The following KIF13A variants were observed in gnomAD, a reference collection of about 807,000 sequenced individuals.
The protein encoded by KIF13A is kinesin family member 13A.
KIF13A carries 79 observed loss-of-function variants against 212.2 expected under a neutral mutation model. The ratio of observed to expected loss-of-function variants is 0.37; its 90% CI spans 0.31 to 0.45. The LOEUF (loss-of-function observed/expected upper bound fraction) is 0.45, where lower values mean the gene tolerates loss of function less well. Ranked by LOEUF, KIF13A falls within the 20% of genes least tolerant of loss-of-function variation. The pLI is 1.00. For synonymous variants in KIF13A, 789 were observed against 808.6 expected, an observed-to-expected ratio of 0.98 and a Z score of 0.41; for missense variants, 1,901 against 2,209.0, an observed-to-expected ratio of 0.86 and a Z score of 2.79.
In KIF13A at chr6:17,837,764, C is replaced by T. The variant is rs184657962; in HGVS notation, c.831-181G>A. On this transcript the variant is annotated intron_variant, in intron 9 of 38. Coordinates refer to ENST00000259711, the MANE Select transcript of KIF13A (RefSeq NM_022113.6). The surrounding 1 kb of genome is among the most constrained non-coding windows in gnomAD (Gnocchi z 5.4). ...GCCAGGGGTTTGAGACCACCCTGGC[C>T]AACATGGTGAAACTCTGTCTCTACT... 2.0e-3 allele frequency among the ~76,000 whole-genome samples: 305 copies of T among 152,056 alleles called. 1 individual carries two copies. Among genetic ancestry groups the T allele is most frequent in the Middle Eastern group, 0.014 (4 of 294 alleles).
rs1325949796 is a variant in KIF13A at position 17,898,891 on chromosome 6, A to G, written c.147-711T>C. ...CACTTGGTTGTTCAGGATGGAGTGCAGTGATGTGATCATGGCTCAGTGCAA... is the reference window on the plus strand; with the variant it reads ...CACTTGGTTGTTCAGGATGGAGTGCGGTGATGTGATCATGGCTCAGTGCAA... On this transcript the variant is annotated intron_variant, in intron 2 of 38. Transcript: ENST00000259711. The surrounding 1 kb of genome is among the most constrained non-coding windows in gnomAD (Gnocchi z 5.2). Among the ~76,000 whole-genome samples, 1 of 152,150 alleles carries G rather than the reference A, an allele frequency of 6.6e-6. No homozygotes were observed. Among genetic ancestry groups the G allele is most frequent in the East Asian group, 1.9e-4 (1 of 5,184 alleles).
At chr6:17,942,603 G>A (rs1370549549) in intron 2 of KIF13A, among the ~76,000 whole-genome samples, 1 of 152,098 alleles carries the variant, frequency 6.6e-6, no homozygotes, top group Admixed American at 6.5e-5. Context: ...GTGCCTATCA[G>A]CCTTGGCTAT....
intron 29 of KIF13A, 59 bp from the exon 30 acceptor site, chr6:17,781,360 C>G (rs996002191): frequency 7.4e-6 from 11 of 1,485,102 alleles, no homozygotes; most frequent in Non-Finnish European, 9.9e-6. Context: ...TAAGCAAACA[C>G]CAAAAATTTA....
chr6:17,824,961 C>T (rs541793598), intron 16 of KIF13A, among the ~76,000 whole-genome samples: 5 of 152,072 alleles, frequency 3.3e-5, no homozygotes, highest in Non-Finnish European at 5.9e-5. Flanking sequence ...TACCCCTAAA[C>T]AGCCTCAGTT....
Position 17,768,777 on chromosome 6 carries a change from G to A in KIF13A, c.4581+2337C>T, listed in dbSNP as rs570820474. 2.0e-5 allele frequency among the ~76,000 whole-genome samples: 3 copies of A among 152,274 alleles called. No individual in the cohort carries two copies. Among genetic ancestry groups the A allele is most frequent in the South Asian group, 2.1e-4 (1 of 4,826 alleles). ...ACATGCTGTCTATGCAAGACCTAACGGAAAGGTCGTGTGGATACTGGGAAA... is the reference window on the plus strand; with the variant it reads ...ACATGCTGTCTATGCAAGACCTAACAGAAAGGTCGTGTGGATACTGGGAAA... On this transcript the variant is annotated intron_variant, in intron 38 of 38. Coordinates refer to ENST00000259711, the MANE Select transcript of KIF13A (RefSeq NM_022113.6). This position sits in a 1 kb window ranked among gnomAD's most constrained non-coding sequence, Gnocchi z 5.4.
Position 17,764,525 on chromosome 6 carries a change from G to C in KIF13A, c.5003C>G (p.Pro1668Arg). Residue 1668 changes from proline to arginine, a missense_variant, in exon 39 of 39, where the codon CCA (proline) becomes CGA (arginine). Physicochemically the swap from Pro to Arg is moderately radical, Grantham distance 103 (BLOSUM62 -2). Transcript: ENST00000259711. This position sits in a 1 kb window ranked among gnomAD's most constrained non-coding sequence, Gnocchi z 5.1. Reference protein sequence around the residue: ...GLVKDKIIVVPLKENSALAKG... With the variant: ...GLVKDKIIVVRLKENSALAKG... ...GGCTAAGGCACTGTTTTCCTTGAGT[G>C]GCACCACAATTATCTTGTCCTTTAC... 1.2e-6 allele frequency: 2 copies of C among 1,613,926 alleles called. No homozygotes were observed. The highest frequency in any genetic ancestry group is 1.7e-6 in the Non-Finnish European group (2 of 1,179,862).
chr6:17,885,926 C>T (rs1024041476), intron 3 of KIF13A, among the ~76,000 whole-genome samples: 1 of 152,132 alleles, frequency 6.6e-6, no homozygotes, highest in Non-Finnish European at 1.5e-5. Flanking sequence ...TGTGGTATTT[C>T]CAGTTCTTTC....
chr6:17,764,498 T>C lies in KIF13A; in HGVS notation c.5030A>G (p.Lys1677Arg). 1.2e-6 allele frequency: 2 copies of C among 1,614,022 alleles called. No individual in the cohort carries two copies. The highest frequency in any genetic ancestry group is 1.7e-6 in the Non-Finnish European group (2 of 1,179,890). Residue 1677 changes from lysine (K) to arginine (R), a missense_variant, in exon 39 of 39, where the codon AAA becomes AGA. Lys to Arg is a conservative substitution (Grantham distance 26). This residue lies in a region of KIF13A where 687 missense variants were observed against 759.1 expected (regional missense o/e 0.90). Coordinates refer to ENST00000259711, the MANE Select transcript of KIF13A (RefSeq NM_022113.6). The surrounding 1 kb of genome is among the most constrained non-coding windows in gnomAD (Gnocchi z 5.1). ...GATGCTCTGGGATGATGGGCTCCCTTTGGCTAAGGCACTGTTTTCCTTGAG... is the reference window on the plus strand; with the variant it reads ...GATGCTCTGGGATGATGGGCTCCCTCTGGCTAAGGCACTGTTTTCCTTGAG... Reference protein sequence around the residue: ...VPLKENSALAKGSPSSQSIPE... With the variant: ...VPLKENSALARGSPSSQSIPE...
intron 22 of KIF13A, among the ~76,000 whole-genome samples, chr6:17,797,025 G>A (rs114120204): frequency 0.011 from 1,676 of 151,694 alleles, 35 homozygotes; most frequent in African/African-American, 0.039. Flanking sequence ...AACTCAACCC[G>A]TTTCTTTCTT....
chr6:17,777,114 T>G lies in KIF13A; in HGVS notation c.4170+163A>C, dbSNP rs764361065. 2.6e-5 allele frequency among the ~76,000 whole-genome samples: 4 copies of G among 152,228 alleles called. No homozygotes were observed. The highest frequency in any genetic ancestry group is 5.9e-5 in the Non-Finnish European group (4 of 68,050). On this transcript the variant is annotated intron_variant, in intron 34 of 38. Transcript: ENST00000259711. This position sits in a 1 kb window ranked among gnomAD's most constrained non-coding sequence, Gnocchi z 4.4. ...AACAAATGGCTCAGTCTTAGACAACTGTGCTGCCTGGTGTGTGTCCCTGGT... is the reference window on the plus strand; with the variant it reads ...AACAAATGGCTCAGTCTTAGACAACGGTGCTGCCTGGTGTGTGTCCCTGGT...
In KIF13A at chr6:17,915,113, T is replaced by A. The variant is rs1425517559; in HGVS notation, c.147-16933A>T. On this transcript the variant is annotated intron_variant, in intron 2 of 38. Transcript: ENST00000259711. The surrounding 1 kb of genome is among the most constrained non-coding windows in gnomAD (Gnocchi z 4.4). The stretch of plus-strand genomic sequence containing the variant: ...ATGGTAGCATAAGAGATAATATATT[T>A]GACTTTTCTACATTAGGGAGTCAGA... Among the ~76,000 whole-genome samples the A allele has an allele frequency of 6.6e-6, 1 of 152,216 alleles. No homozygotes were observed. The highest frequency in any genetic ancestry group is 2.4e-5 in the African/African-American group (1 of 41,456).
At chr6:17,958,663 T>C (rs568035637) in intron 2 of KIF13A, among the ~76,000 whole-genome samples, 17 of 152,314 alleles carry the variant, frequency 1.1e-4, no homozygotes, top group African/African-American at 3.8e-4. Context: ...TTTTATTCCA[T>C]TTCTTCATCT....
intron 12 of KIF13A, among the ~76,000 whole-genome samples, chr6:17,832,874 A>C (rs1317148616): frequency 6.7e-6 from 1 of 149,892 alleles, no homozygotes; most frequent in East Asian, 2.0e-4. Flanking sequence ...ATTAGCCAGG[A>C]GTGGTGGCGC....
chr6:17,879,493 T>C (rs951413609), intron 3 of KIF13A, among the ~76,000 whole-genome samples: 5 of 152,192 alleles, frequency 3.3e-5, no homozygotes, highest in African/African-American at 1.2e-4. Flanking sequence ...TTGGGGGAAC[T>C]TGATTCCTGC....
At position 17,834,873 on chromosome 6, in the gene KIF13A, T is replaced by A. The variant is rs534874955; in HGVS notation, c.1156-802A>T. Among the ~76,000 whole-genome samples, 2 of 152,222 alleles carry A rather than the reference T, an allele frequency of 1.3e-5. No homozygotes were observed. Among genetic ancestry groups the A allele is most frequent in the East Asian group, 3.9e-4 (2 of 5,170 alleles). ...GTATTAACAGAGCCTGACAGTGGCATTTAGTGCTGAGTACAGTGGGACATA... is the reference window on the plus strand; with the variant it reads ...GTATTAACAGAGCCTGACAGTGGCAATTAGTGCTGAGTACAGTGGGACATA... On this transcript the variant is annotated intron_variant, in intron 11 of 38. Transcript: ENST00000259711. This position sits in a 1 kb window ranked among gnomAD's most constrained non-coding sequence, Gnocchi z 4.0.
chr6:17,770,910 C>A, intron 38 of KIF13A: 1 of 530,290 alleles, frequency 1.9e-6, no homozygotes. Context: ...CAAACTTAAG[C>A]AAAAAATAAA....
In KIF13A at chr6:17,792,771, T is replaced by A. The variant is rs567554483; in HGVS notation, c.3222+1478A>T. On this transcript the variant is annotated intron_variant, in intron 25 of 38. Transcript: ENST00000259711. ...GGCAGGCAGCATCTGACAAAGCTAT[T>A]ACTGCCTTGAAGTTCAATAGTCTGT... is the stretch of plus-strand genomic sequence containing the variant. Among the ~76,000 whole-genome samples, 7 of 152,326 alleles carry A rather than the reference T, an allele frequency of 4.6e-5. No individual in the cohort carries two copies. The South Asian group carries it at 1.5e-3, about 32-fold the overall frequency.
At chr6:17,945,592 T>C (rs1299008230) in intron 2 of KIF13A, among the ~76,000 whole-genome samples, 1 of 152,268 alleles carries the variant, frequency 6.6e-6, no homozygotes, top group Non-Finnish European at 1.5e-5. Context: ...GATGTTTTTA[T>C]GTAAAATTTT....
Position 17,805,370 on chromosome 6 carries a change from C to CGTGTGTGTGT in KIF13A, c.2304+95_2304+104dup, listed in dbSNP as rs59526903. ...ATCTAACGTATCATGAGCACATCTC[C>CGTGTGTGTGT]GTGTGTGTGTGTGTGTGTGTGTGTG... is the stretch of plus-strand genomic sequence containing the variant. On this transcript the variant is annotated intron_variant, in intron 19 of 38. Transcript: ENST00000259711. 7.5e-3 allele frequency: 5,534 copies of CGTGTGTGTGT among 736,856 alleles called. 21 individuals are homozygous for CGTGTGTGTGT. The highest frequency in any genetic ancestry group is 9.8e-3 in the South Asian group (551 of 56,378). The allele number at this position is 736,856 out of a possible 1,614,324, so 45.6% of individuals were successfully genotyped here.
Sources: gnomAD v4.1 joint callset for allele counts (sites outside exome capture counted in the v4.1 genomes callset) on GRCh38, gnomAD v4.1.1 for gene constraint, gnomAD v4.1.1 regional missense constraint, Gnocchi (gnomAD v3.1) non-coding constraint, MANE v1.5 for transcripts, NCBI Gene and HGNC (gene_info 2026-07-23, HGNC 2026-07-21) for gene names.